The following SPAG17 variants were observed in gnomAD, a reference collection of about 807,000 sequenced individuals.
The protein encoded by SPAG17 is sperm-associated antigen 17.
Under a neutral mutation model 273.6 loss-of-function variants are expected in SPAG17, and 169 were observed. The ratio of observed to expected loss-of-function variants is 0.62; its 90% confidence interval spans 0.55 to 0.70. The LOEUF is 0.70. Ranked by LOEUF, SPAG17 falls within the 30% of genes least tolerant of loss-of-function variation. The pLI is 0.00. For missense variants in SPAG17, 2,557 were observed against 2,627.8 expected, an observed-to-expected ratio of 0.97 and a Z score of 0.59; for synonymous variants, 825 against 873.2, an observed-to-expected ratio of 0.94 and a Z score of 0.97.
intron 10 of SPAG17, 148 bp from the exon 11 acceptor site, chr1:118,087,156 A>G: frequency 1.4e-6 from 1 of 729,014 alleles, no homozygotes. Context: ...GCAGGAAACT[A>G]TCAGTGATCA....
intron 26 of SPAG17, among the ~76,000 whole-genome samples, chr1:118,026,548 T>G (rs1484112366): frequency 6.6e-6 from 1 of 152,162 alleles, no homozygotes; most frequent in Non-Finnish European, 1.5e-5. Flanking sequence ...ATGCTTTATA[T>G]ATGTATCTTT....
intron 38 of SPAG17, among the ~76,000 whole-genome samples, chr1:117,990,069 C>T (rs1021652099): frequency 7.2e-5 from 11 of 152,090 alleles, no homozygotes; most frequent in Non-Finnish European, 1.0e-4. Flanking sequence ...TATAGGGACA[C>T]GGAGACATAG....
chr1:118,148,385 G>A lies in SPAG17; in HGVS notation c.315+2158C>T, dbSNP rs187184535. Reference sequence around the variant, plus strand: ...AAAACAAATCCTCCACACTCGGCAAGGGTACACGAACCTGCTGCAAGGTGC... The same window carrying A: ...AAAACAAATCCTCCACACTCGGCAAAGGTACACGAACCTGCTGCAAGGTGC... On this transcript the variant is annotated intron_variant, in intron 3 of 48. Transcript: ENST00000336338. Among the ~76,000 whole-genome samples, 244 of 152,284 alleles carry A rather than the reference G, an allele frequency of 1.6e-3. 1 individual carries two copies. Among genetic ancestry groups the A allele is most frequent in the Non-Finnish European group, 2.7e-3 (185 of 68,024 alleles).
At chr1:117,955,753 T>C (rs758457854) in intron 48 of SPAG17, among the ~76,000 whole-genome samples, 8 of 151,552 alleles carry the variant, frequency 5.3e-5, no homozygotes, top group Non-Finnish European at 1.2e-4. Flanking sequence ...TGTTTGTTGT[T>C]CATATTCTTC....
intron 3 of SPAG17, among the ~76,000 whole-genome samples, chr1:118,144,325 T>C (rs1658847947): frequency 6.6e-6 from 1 of 152,180 alleles, no homozygotes; most frequent in Admixed American, 6.5e-5. Context: ...TGTTAACACA[T>C]CTGACTGCTC....
At chr1:118,149,683 C>A (rs1383572516) in intron 3 of SPAG17, among the ~76,000 whole-genome samples, 2 of 152,074 alleles carry the variant, frequency 1.3e-5, no homozygotes, top group East Asian at 1.9e-4. Context: ...ACTAAATAGA[C>A]CGTATGTAAT....
At chr1:118,118,558 C>T (rs1016720358) in intron 3 of SPAG17, among the ~76,000 whole-genome samples, 16 of 152,280 alleles carry the variant, frequency 1.1e-4, no homozygotes, top group East Asian at 3.9e-4. Context: ...CGAGTCTTAA[C>T]GGGCAAATGA....
intron 7 of SPAG17, among the ~76,000 whole-genome samples, chr1:118,096,559 G>C (rs1056107176): frequency 3.3e-5 from 5 of 152,022 alleles, no homozygotes; most frequent in African/African-American, 1.2e-4. Flanking sequence ...TTGGGATAAG[G>C]GTCAACTAGA....
At chr1:118,029,393 C>T (rs147498537) in intron 25 of SPAG17, among the ~76,000 whole-genome samples, 1 of 151,990 alleles carries the variant, frequency 6.6e-6, no homozygotes, top group Non-Finnish European at 1.5e-5. Flanking sequence ...TTATAGCAGT[C>T]CAAACTAATA....
At chr1:118,103,181 T>C (rs1333196637) in intron 4 of SPAG17, among the ~76,000 whole-genome samples, 1 of 151,942 alleles carries the variant, frequency 6.6e-6, no homozygotes, top group East Asian at 1.9e-4. Context: ...ATCCCTGGAG[T>C]GGAAGTGGAG....
At position 118,069,849 on chromosome 1, in the gene SPAG17, C is replaced by G. The variant is rs1036218204; in HGVS notation, c.2386-2950G>C. 2.6e-5 allele frequency among the ~76,000 whole-genome samples: 4 copies of G among 152,040 alleles called. No individual in the cohort carries two copies. In the South Asian group the frequency reaches 6.2e-4, roughly 24 times the overall value. On this transcript the variant is annotated intron_variant, in intron 17 of 48. Coordinates refer to ENST00000336338, the MANE Select transcript of SPAG17 (RefSeq NM_206996.4). ...ATTCCAAATACAACACTGAGGAAAC[C>G]AAGAGTGCAGAGTGTTTCATGGGGG... is the stretch of plus-strand genomic sequence containing the variant.
chr1:118,143,647 A>G (rs1658804307), intron 3 of SPAG17, among the ~76,000 whole-genome samples: 1 of 152,228 alleles, frequency 6.6e-6, no homozygotes, highest in Admixed American at 6.5e-5. Context: ...AACTTTTATT[A>G]TCACCATATG....
Position 118,101,800 on chromosome 1 carries a change from C to G in SPAG17, c.574G>C (p.Val192Leu). Residue 192 changes from valine (V) to leucine (L), a missense_variant, in exon 5 of 49, where the codon GTG becomes CTG. By Grantham distance (32) the Val-to-Leu change is conservative (BLOSUM62 1). Transcript: ENST00000336338. ...GKDQPEANAP[V>L]KKTTQLKRRG... is the part of the protein sequence containing the mutation. ...CGCTTTAACTGGGTGGTCTTTTTCA[C>G]TGGTGCATTTGCCTCAGGCTGATCC... 1.9e-6 allele frequency: 3 copies of G among 1,614,076 alleles called. No individual in the cohort carries two copies. The highest frequency in any genetic ancestry group is 2.5e-6 in the Non-Finnish European group (3 of 1,179,960).
At chr1:117,960,109 C>CGTGTGTGTATGT (rs557563970) in intron 48 of SPAG17, 69 of 144,500 alleles carry the variant, frequency 4.8e-4, no homozygotes, top group African/African-American at 1.6e-3. Flanking sequence ...TTAATACACT[C>CGTGTGTGTATGT]GTGTGTGTGT....
chr1:118,150,349 GGAAATTTT>G (rs1326757354), intron 3 of SPAG17, 186 bp downstream of exon 3: 1 of 380,118 alleles, frequency 2.6e-6, no homozygotes. Flanking sequence ...ATTTGTAAAG[GGAAATTTT>G]GAAATTTTAA....
At chr1:118,178,101 A>C (rs916126078) in intron 1 of SPAG17, among the ~76,000 whole-genome samples, 1 of 152,144 alleles carries the variant, frequency 6.6e-6, no homozygotes, top group Non-Finnish European at 1.5e-5. Context: ...AAAACCACAT[A>C]AAGAAACAAC....
chr1:118,126,508 C>T (rs370989053), intron 3 of SPAG17, among the ~76,000 whole-genome samples: 16 of 151,940 alleles, frequency 1.1e-4, no homozygotes, highest in African/African-American at 2.2e-4. Context: ...CCACCGCGCC[C>T]GGCCTCCTTT....
At chr1:118,144,168 T>G (rs377176229) in intron 3 of SPAG17, among the ~76,000 whole-genome samples, 2 of 152,232 alleles carry the variant, frequency 1.3e-5, no homozygotes, top group African/African-American at 4.8e-5. Flanking sequence ...TCCAGGTTTC[T>G]GATCTGGGAG....
intron 26 of SPAG17, among the ~76,000 whole-genome samples, chr1:118,026,288 A>C (rs1339972047): frequency 6.6e-6 from 1 of 152,204 alleles, no homozygotes; most frequent in African/African-American, 2.4e-5. Context: ...TTCAAAAGCA[A>C]GCACTATTAT....
Sources: allele counts gnomAD v4.1 joint callset (sites outside exome capture counted in the v4.1 genomes callset), GRCh38; gene constraint gnomAD v4.1.1; transcripts MANE v1.5; gene names NCBI Gene and HGNC (gene_info 2026-07-23, HGNC 2026-07-21).